The following ADAD2 variants were observed in gnomAD, a reference collection of about 807,000 sequenced individuals.
The protein encoded by ADAD2 is adenosine deaminase domain-containing protein 2.
In ADAD2, 60 loss-of-function variants were observed where a neutral mutation model predicts 54.5. That is an observed-to-expected ratio of 1.10 (90% CI 0.89 to 1.36). The LOEUF (loss-of-function observed/expected upper bound fraction) is 1.36. Among genes scored for constraint, ADAD2 ranks in the 40% most tolerant of loss-of-function variants. The pLI is 0.00. For missense variants in ADAD2, 1,103 were observed against 801.3 expected (o/e 1.38, Z -4.54); for synonymous variants, 543 against 366.2 (o/e 1.48, Z -5.51).
chr16:84,194,663 G>T (rs1230206418), intron 2 of ADAD2, 81 bp downstream of exon 2: 1 of 1,545,168 alleles, frequency 6.5e-7, no homozygotes, highest in South Asian at 1.2e-5. Flanking sequence ...GGAGGCGGAA[G>T]TGGCTGTGCG....
rs1299706518 is a variant in ADAD2, at chr16:84,196,516, C to G, written c.1527-131C>G. 2.6e-6 allele frequency: 4 copies of G among 1,544,882 alleles called. No homozygotes were observed. The East Asian group carries it at 6.8e-5, about 26-fold the overall frequency. On this transcript the variant is annotated intron_variant, in intron 8 of 9. Coordinates refer to ENST00000315906, the MANE Select transcript of ADAD2 (RefSeq NM_001145400.2). The stretch of plus-strand genomic sequence containing the variant: ...CCCCTTCCTAGCTCCGTAGTGGTGG[C>G]CACACCTCTGTCTGCCCTGTGAGTC...
rs1012459366 is a variant in ADAD2 at position 84,193,889 on chromosome 16, A to G, written c.419-553A>G. ...AGAGGGGCAGTCCTTGGGAGAAACA[A>G]TTTAGCAGCAAGTACTGTGAAATTA... On this transcript the variant is annotated intron_variant, in intron 1 of 9. Coordinates refer to ENST00000315906, the MANE Select transcript of ADAD2 (RefSeq NM_001145400.2). The G allele has an allele frequency of 5.9e-5, 68 of 1,156,664 alleles. No homozygotes were observed. In the African/African-American group the frequency reaches 8.8e-4, roughly 15 times the overall value. The allele number at this position is 1,156,664 out of a possible 1,614,324, so 71.7% of individuals were successfully genotyped here.
In ADAD2 at chr16:84,196,933, G is replaced by C. The variant is rs773161527; in HGVS notation, c.1711G>C (p.Ala571Pro). ...SLLLDQQGLG[A>P]WPSKPLVGKF... The stretch of plus-strand genomic sequence containing the variant: ...CCTCCTGGACCAGCAGGGCCTGGGG[G>C]CTTGGCCCTCGAAGCCACTGGTGGG... The change falls in exon 10 of 10, where the codon GCT (alanine) becomes CCT (proline). Residue 571 changes from alanine (A) to proline (P), a missense_variant. Coordinates refer to ENST00000315906, the MANE Select transcript of ADAD2 (RefSeq NM_001145400.2). 8.1e-6 allele frequency: 13 copies of C among 1,605,430 alleles called. No individual in the cohort carries two copies. Among genetic ancestry groups the C allele is most frequent in the Non-Finnish European group, 1.0e-5 (12 of 1,177,180 alleles).
In ADAD2 at chr16:84,197,025, G is replaced by T; in HGVS notation, c.*51G>T. 3 of 1,528,568 alleles carry T rather than the reference G, an allele frequency of 2.0e-6. No homozygotes were observed. Among genetic ancestry groups the T allele is most frequent in the Non-Finnish European group, 1.8e-6 (2 of 1,127,896 alleles). 94.7% of individuals were successfully genotyped at this position (1,528,568 alleles called of 1,614,324 possible). A position where few individuals can be genotyped will look rare whatever the true frequency, so the allele number is the denominator to read the frequency against. On this transcript the variant is annotated 3_prime_UTR_variant, in exon 10 of 10. Transcript: ENST00000315906. The stretch of plus-strand genomic sequence containing the variant: ...CCGGAGCCAAGCTGTACCCCTGCTG[G>T]GGGAGTGCCCTATCTGAGGAGCGTT...
At position 84,193,811 on chromosome 16, in the gene ADAD2, C is replaced by T. The variant is rs186408772; in HGVS notation, c.419-631C>T. 8 of 559,592 alleles carry T rather than the reference C, an allele frequency of 1.4e-5. No individual in the cohort carries two copies. The South Asian group carries it at 1.6e-4, about 11-fold the overall frequency. The allele number at this position is 559,592 out of a possible 1,614,324, so 34.7% of individuals were successfully genotyped here. ...TGATGCCTGTTTAGAGCAGACAGAT[C>T]TCAGCGCAGTGGGGAGTGCTGAAAT... On this transcript the variant is annotated intron_variant, in intron 1 of 9. Transcript: ENST00000315906.
intron 1 of ADAD2, chr16:84,193,084 C>G (rs1357814432): frequency 2.0e-5 from 3 of 151,726 alleles, no homozygotes; most frequent in African/African-American, 4.8e-5. Context: ...GTCCTCAGCC[C>G]CACAAAGTGC....
At chr16:84,194,279 G>A (rs779372141) in intron 1 of ADAD2, 163 bp from the exon 2 acceptor site, 7 of 1,551,214 alleles carry the variant, frequency 4.5e-6, no homozygotes, top group South Asian at 2.4e-5. Context: ...TCAAGGGTGT[G>A]CGCGGCATGG....
In ADAD2 at chr16:84,191,359, GGGGCCC is replaced by G. The variant is rs757568528; in HGVS notation, c.131_136del (p.Gly44_Pro45del). ...TACCCGCCCAGGCCCAAAGTGCCTG[GGGGCCC>G]GCGCCCGCGCCCGCGACGTATCGCG... On this transcript the variant is annotated inframe_deletion, in exon 1 of 10. Transcript: ENST00000315906. The G allele has an allele frequency of 9.9e-5, 154 of 1,556,632 alleles. No homozygotes were observed. Among genetic ancestry groups the G allele is most frequent in the South Asian group, 4.3e-4 (37 of 86,658 alleles).
chr16:84,195,361 A>G lies in ADAD2; in HGVS notation c.799A>G (p.Ser267Gly), dbSNP rs571338860. Residue 267 changes from serine (S) to glycine (G), a missense_variant, in exon 5 of 10, where the codon AGC becomes GGC. Transcript: ENST00000315906. ...GCTGGTGGCTCTGGGCACCGGCAGC[A>G]GCTGCTGTGCTGGCTGGCTGGAGTT... ...YKLVALGTGS[S>G]CCAGWLEFSG... is the part of the protein sequence containing the mutation. 1 of 1,609,776 alleles carries G rather than the reference A, an allele frequency of 6.2e-7. No individual in the cohort carries two copies.
rs754036097 is a variant in ADAD2 at position 84,194,541 on chromosome 16, T to C, written c.518T>C (p.Leu173Pro). ...ACGGAGGCCAAACAGCAGGCAGCGC[T>C]CTCTGCCCTCTGCTACATCCGGAGT... ...SKTEAKQQAA[L>P]SALCYIRSQL... Residue 173 changes from leucine (L) to proline (P), a missense_variant, in exon 2 of 10, where the codon CTC (leucine) becomes CCC (proline). Physicochemically the swap from Leu to Pro is moderately conservative, Grantham distance 98. Transcript: ENST00000315906. The C allele has an allele frequency of 6.2e-7, 1 of 1,609,838 alleles. No homozygotes were observed. The highest frequency in any genetic ancestry group is 1.1e-5 in the South Asian group (1 of 89,940).
intron 8 of ADAD2, 87 bp from the exon 9 acceptor site, chr16:84,196,560 G>A (rs2089733702): frequency 6.4e-7 from 1 of 1,569,896 alleles, no homozygotes; most frequent in African/African-American, 1.3e-5. Flanking sequence ...TTGTCACAGT[G>A]TGAGAGGAGG....
At chr16:84,194,024 G>C (rs374748517) in intron 1 of ADAD2, 2 of 1,591,838 alleles carry the variant, frequency 1.3e-6, no homozygotes, top group African/African-American at 2.7e-5. Context: ...TTCAAATATA[G>C]AGCCCCTGGA....
At chr16:84,195,016 C>T (rs200951169) in intron 3 of ADAD2, 36 bp downstream of exon 3, 179 of 1,612,374 alleles carry the variant, frequency 1.1e-4, no homozygotes, top group Middle Eastern at 1.6e-4. Flanking sequence ...CTTGTAGTGT[C>T]GAGGGGAGAG....
At position 84,195,568 on chromosome 16, in the gene ADAD2, G is replaced by T; in HGVS notation, c.923G>T (p.Gly308Val). 2.5e-6 allele frequency: 4 copies of T among 1,600,240 alleles called. No homozygotes were observed. The highest frequency in any genetic ancestry group is 3.4e-6 in the Non-Finnish European group (4 of 1,173,594). Reference sequence around the variant, plus strand: ...CAGCTCCTGCTGGCCACACAGGGGGGCCCCAAGGGCAAGGAGCAGTCCGTG... The same window carrying T: ...CAGCTCCTGCTGGCCACACAGGGGGTCCCCAAGGGCAAGGAGCAGTCCGTG... The part of the protein sequence containing the change: ...FRQLLLATQG[G>V]PKGKEQSVLA... The change falls in exon 6 of 10, where the codon GGC (glycine) becomes GTC (valine). Residue 308 changes from glycine to valine, a missense_variant. Gly to Val is a moderately radical substitution (Grantham distance 109, BLOSUM62 -3). Transcript: ENST00000315906.
In ADAD2 at chr16:84,191,493, G is replaced by T; in HGVS notation, c.263G>T (p.Gly88Val). 6.5e-7 allele frequency: 1 copy of T among 1,541,030 alleles called. No homozygotes were observed. ...GCAGCCCGGGCGTGGGAAAACTTGG[G>T]GGAACAGATGGGGAAGGCCCCGAGG... ...LGAARAWENL[G>V]EQMGKAPRVP... The change falls in exon 1 of 10, where the codon GGG (glycine) becomes GTG (valine). Residue 88 changes from glycine (G) to valine (V), a missense_variant. Physicochemically the swap from Gly to Val is moderately radical, Grantham distance 109. Coordinates refer to ENST00000315906, the MANE Select transcript of ADAD2 (RefSeq NM_001145400.2).
rs1190999616 is a variant in ADAD2 at position 84,191,532 on chromosome 16, C to T, written c.302C>T (p.Pro101Leu). 2 of 1,547,156 alleles carry T rather than the reference C, an allele frequency of 1.3e-6. No homozygotes were observed. Among genetic ancestry groups the T allele is most frequent in the East Asian group, 2.4e-5 (1 of 40,912 alleles). Reference protein sequence around the residue: ...MGKAPRVPVPPAGLSLPLKDP... With the variant: ...MGKAPRVPVPLAGLSLPLKDP... ...AAGGCCCCGAGGGTCCCTGTGCCCC[C>T]AGCAGGGCTCAGCCTGCCGCTCAAA... The change falls in exon 1 of 10, where the codon CCA (proline) becomes CTA (leucine). Residue 101 changes from proline (P) to leucine (L), a missense_variant. Transcript: ENST00000315906.
In ADAD2 at chr16:84,196,197, G is replaced by A. The variant is rs2089727811; in HGVS notation, c.1353G>A (p.Leu451=). The change falls in exon 8 of 10, where the codon CTG becomes CTA. Residue 451 remains leucine, a synonymous_variant. Transcript: ENST00000315906. The part of the protein sequence containing the change: ...IHTRPCLDSV[L]GPCLPPPYVR... Reference sequence around the variant, plus strand: ...CCCGGCCCTGCCTGGACAGTGTCCTGGGGCCATGCCTGCCACCTCCCTACG... The same window carrying A: ...CCCGGCCCTGCCTGGACAGTGTCCTAGGGCCATGCCTGCCACCTCCCTACG... The A allele has an allele frequency of 2.5e-6, 4 of 1,609,608 alleles. No homozygotes were observed. The highest frequency in any genetic ancestry group is 1.1e-5 in the South Asian group (1 of 91,076).
In ADAD2 at chr16:84,191,765, C is replaced by T. The variant is rs367685601; in HGVS notation, c.418+117C>T. The T allele has an allele frequency of 1.6e-5, 23 of 1,445,328 alleles. No homozygotes were observed. In the South Asian group the frequency reaches 2.1e-4, roughly 13 times the overall value. 89.5% of individuals were successfully genotyped at this position (1,445,328 alleles called of 1,614,324 possible). Reference sequence around the variant, plus strand: ...GGACCTTGGTCCCTATGCTCAGAGACACCGCCGGAGCAGGACCTGGCCTGA... The same window carrying T: ...GGACCTTGGTCCCTATGCTCAGAGATACCGCCGGAGCAGGACCTGGCCTGA... On this transcript the variant is annotated intron_variant, in intron 1 of 9. Coordinates refer to ENST00000315906, the MANE Select transcript of ADAD2 (RefSeq NM_001145400.2).
chr16:84,196,063 C>G lies in ADAD2; in HGVS notation c.1282+19C>G. On this transcript the variant is annotated intron_variant, in intron 7 of 9. Coordinates refer to ENST00000315906, the MANE Select transcript of ADAD2 (RefSeq NM_001145400.2). Reference sequence around the variant, plus strand: ...ATCCTGGGTGAGCACGTGGTGAGGGCTGGGGGGGTGAGAAGGGAGGGCAGG... The same window carrying G: ...ATCCTGGGTGAGCACGTGGTGAGGGGTGGGGGGGTGAGAAGGGAGGGCAGG... 2 of 1,599,284 alleles carry G rather than the reference C, an allele frequency of 1.3e-6. No homozygotes were observed. Among genetic ancestry groups the G allele is most frequent in the Non-Finnish European group, 1.7e-6 (2 of 1,179,830 alleles).
Sources: allele counts gnomAD v4.1 joint callset, GRCh38; gene constraint gnomAD v4.1.1; transcripts MANE v1.5; gene names NCBI Gene and HGNC (gene_info 2026-07-23, HGNC 2026-07-21).